Variants in VRK1 observed in about 807,000 individuals in gnomAD.
VRK1 encodes serine/threonine-protein kinase VRK1.
Under a neutral mutation model 57.1 loss-of-function variants are expected in VRK1, and 33 were observed. That is an observed-to-expected ratio of 0.58 (90% CI 0.44 to 0.77). The LOEUF is 0.77. VRK1 is among the 30% of genes least tolerant of loss of function. The pLI, the probability that VRK1 is intolerant of heterozygous loss-of-function variation, is 0.00. For synonymous variants in VRK1, 137 were observed against 147.8 expected, an observed-to-expected ratio of 0.93 and a Z score of 0.53; for missense variants, 413 against 477.3, an observed-to-expected ratio of 0.87 and a Z score of 1.25.
chr14:96,875,587 A>C (rs1888994405), intron 11 of VRK1, among the ~76,000 whole-genome samples: 1 of 152,146 alleles, frequency 6.6e-6, no homozygotes, highest in Non-Finnish European at 1.5e-5. Flanking sequence ...CAAGACATAC[A>C]TTTTTTCCAT....
At chr14:96,809,717 C>A (rs777136456) in intron 1 of VRK1, among the ~76,000 whole-genome samples, 1 of 151,804 alleles carries the variant, frequency 6.6e-6, no homozygotes, top group African/African-American at 2.4e-5. Context: ...GGATTATAGG[C>A]GCCTGCCACC....
Position 96,868,889 on chromosome 14 carries a change from G to A in VRK1, c.1069-7141G>A, listed in dbSNP as rs192466159. 1.7e-4 allele frequency among the ~76,000 whole-genome samples: 26 copies of A among 150,888 alleles called. 1 individual carries two copies. The highest frequency in any genetic ancestry group is 1.2e-3 in the Admixed American group (18 of 15,080). ...ACGATCTCGACTCACCGCAGCCACC[G>A]GGTTCAAGCGATTCTCCAGCCTCAG... On this transcript the variant is annotated intron_variant, in intron 11 of 12. Coordinates refer to ENST00000216639, the MANE Select transcript of VRK1 (RefSeq NM_003384.3).
chr14:96,800,850 G>A (rs1182416559), intron 1 of VRK1, among the ~76,000 whole-genome samples: 1 of 151,976 alleles, frequency 6.6e-6, no homozygotes, highest in Non-Finnish European at 1.5e-5. Context: ...ACTAGATGAA[G>A]TAAATAATTA....
At chr14:96,838,707 C>G (rs1355171675) in intron 3 of VRK1, among the ~76,000 whole-genome samples, 1 of 152,156 alleles carries the variant, frequency 6.6e-6, no homozygotes, top group East Asian at 1.9e-4. Context: ...ATGGGAGCTA[C>G]TATCCAAGAT....
rs57564212 is a variant in VRK1, at chr14:96,854,609, A to G, written c.577-615A>G. ...AAGTATGTATATAATATTAAAATTT[A>G]CTTTTAATCATGAAGACTTGGCTTT... On this transcript the variant is annotated intron_variant, in intron 7 of 12. Transcript: ENST00000216639. Among the ~76,000 whole-genome samples, 52 of 151,260 alleles carry G rather than the reference A, an allele frequency of 3.4e-4. No homozygotes were observed. The East Asian group carries it at 9.4e-3, about 27-fold the overall frequency.
intron 1 of VRK1, among the ~76,000 whole-genome samples, chr14:96,823,375 C>T (rs1411058599): frequency 6.6e-6 from 1 of 152,128 alleles, no homozygotes; most frequent in Non-Finnish European, 1.5e-5. Context: ...TATGTCATTA[C>T]CCTTCATGAA....
chr14:96,823,086 A>G (rs1270288350), intron 1 of VRK1, among the ~76,000 whole-genome samples: 1 of 152,200 alleles, frequency 6.6e-6, no homozygotes, highest in Admixed American at 6.5e-5. Context: ...GAGGCTGACC[A>G]TGACCACTCT....
At chr14:96,798,853 G>T (rs1885545560) in intron 1 of VRK1, among the ~76,000 whole-genome samples, 1 of 152,132 alleles carries the variant, frequency 6.6e-6, no homozygotes, top group East Asian at 1.9e-4. Context: ...ATAAGATTAT[G>T]TTCATCTGTT....
At chr14:96,853,649 A>AT (rs58517994) in intron 7 of VRK1, among the ~76,000 whole-genome samples, 4,316 of 148,860 alleles carry the variant, frequency 0.029, 179 homozygotes, top group African/African-American at 0.093. Context: ...TCAAATGTGC[A>AT]TTTTTTTTTT....
At chr14:96,856,981 T>C (rs1198264318) in intron 10 of VRK1, among the ~76,000 whole-genome samples, 1 of 147,252 alleles carries the variant, frequency 6.8e-6, no homozygotes, top group Non-Finnish European at 1.5e-5. Flanking sequence ...AAAAAAAATA[T>C]GTTAGATGGT....
At chr14:96,840,845 T>TGTA (rs1887429017) in intron 3 of VRK1, among the ~76,000 whole-genome samples, 1 of 149,982 alleles carries the variant, frequency 6.7e-6, no homozygotes, top group African/African-American at 2.5e-5. Flanking sequence ...TTTTTTGTTC[T>TGTA]GTATAACTTG....
At chr14:96,851,420 C>T (rs368647093) in intron 5 of VRK1, among the ~76,000 whole-genome samples, 8 of 152,244 alleles carry the variant, frequency 5.3e-5, no homozygotes, top group South Asian at 4.2e-4. Flanking sequence ...AGATTACTGG[C>T]GTGAACTACC....
intron 1 of VRK1, among the ~76,000 whole-genome samples, chr14:96,808,235 T>G (rs981481892): frequency 1.3e-5 from 2 of 152,082 alleles, no homozygotes; most frequent in African/African-American, 4.8e-5. Context: ...GGTAGATACT[T>G]GAATAAAAAA....
chr14:96,876,044 A>T lies in VRK1; in HGVS notation c.1083A>T (p.Glu361Asp). 1 of 1,613,420 alleles carries T rather than the reference A, an allele frequency of 6.2e-7. No individual in the cohort carries two copies. The highest frequency in any genetic ancestry group is 8.5e-7 in the Non-Finnish European group (1 of 1,179,554). The change falls in exon 12 of 13, where the codon GAA (glutamate) becomes GAT (aspartate). Residue 361 changes from glutamate to aspartate, a missense_variant. Transcript: ENST00000216639. Reference protein sequence around the residue: ...AKTITKKRKKEIEESKEPGVE... With the variant: ...AKTITKKRKKDIEESKEPGVE... ...TTATATGTAAGAAGCGAAAGAAAGA[A>T]ATTGAAGAAAGCAAGGAACCTGGTG...
chr14:96,848,247 G>A (rs767098502), intron 5 of VRK1, among the ~76,000 whole-genome samples: 17 of 152,166 alleles, frequency 1.1e-4, no homozygotes, highest in Non-Finnish European at 2.1e-4. Context: ...TGCAGGCACA[G>A]TACCCAAGGG....
At chr14:96,806,857 C>T (rs951570074) in intron 1 of VRK1, among the ~76,000 whole-genome samples, 12 of 140,222 alleles carry the variant, frequency 8.6e-5, no homozygotes, top group African/African-American at 2.8e-4. Flanking sequence ...CCCTTCCTCT[C>T]GCTCTGTCAA....
rs950259792 is a variant in VRK1, at chr14:96,858,872, G to A, written c.890-1685G>A. On this transcript the variant is annotated intron_variant, in intron 10 of 12. Transcript: ENST00000216639. ...GCTACTTTGCTATTCTTTGCCCTTTGCATTTCTATTTAAATTTTAGAATCA... is the reference window on the plus strand; with the variant it reads ...GCTACTTTGCTATTCTTTGCCCTTTACATTTCTATTTAAATTTTAGAATCA... The A allele has an allele frequency of 6.6e-5, 10 of 152,184 alleles. No homozygotes were observed. The South Asian group carries it at 1.2e-3, about 19-fold the overall frequency. 9.4% of individuals were successfully genotyped at this position (152,184 alleles called of 1,614,324 possible). A position where few individuals can be genotyped will look rare whatever the true frequency, so the allele number is the denominator to read the frequency against.
intron 1 of VRK1, among the ~76,000 whole-genome samples, chr14:96,798,155 C>T (rs963762138): frequency 6.6e-6 from 1 of 152,174 alleles, no homozygotes; most frequent in Non-Finnish European, 1.5e-5. Flanking sequence ...GCAGTTAGAG[C>T]CGCTTGTGTG....
At chr14:96,821,142 A>G (rs1418821661) in intron 1 of VRK1, among the ~76,000 whole-genome samples, 1 of 152,208 alleles carries the variant, frequency 6.6e-6, no homozygotes, top group African/African-American at 2.4e-5. Flanking sequence ...CTGTTTCTGC[A>G]TATAGCTGAA....
Sources: allele counts gnomAD v4.1 joint callset (sites outside exome capture counted in the v4.1 genomes callset), GRCh38; gene constraint gnomAD v4.1.1; transcripts MANE v1.5; gene names NCBI Gene and HGNC (gene_info 2026-07-23, HGNC 2026-07-21).